ARHGEF38: variants seen among roughly 807,000 people sequenced by gnomAD.
The protein encoded by ARHGEF38 is Rho guanine nucleotide exchange factor 38.
ARHGEF38 carries 79 observed loss-of-function variants against 79.9 expected under a neutral mutation model. The observed-to-expected ratio is 0.99, with a 90% CI of 0.82 to 1.19. The LOEUF is 1.19. Among genes scored for constraint, ARHGEF38 ranks in the 50% most tolerant of loss-of-function variants. The pLI is 0.00. For missense variants in ARHGEF38, 962 were observed against 907.2 expected, an observed-to-expected ratio of 1.06 and a Z score of -0.78; for synonymous variants, 366 against 328.3, an observed-to-expected ratio of 1.11 and a Z score of -1.24.
intron 1 of ARHGEF38, among the ~76,000 whole-genome samples, chr4:105,572,241 C>CT (rs1332813980): frequency 2.6e-5 from 4 of 151,888 alleles, no homozygotes; most frequent in Admixed American, 6.6e-5. Flanking sequence ...TGAAACTCTT[C>CT]TTTTTTTTCC....
intron 1 of ARHGEF38, among the ~76,000 whole-genome samples, chr4:105,565,043 G>C (rs952963303): frequency 6.6e-6 from 1 of 152,306 alleles, no homozygotes; most frequent in South Asian, 2.1e-4. Flanking sequence ...ATCACTGTCG[G>C]AGCCTGTAAA....
intron 3 of ARHGEF38, among the ~76,000 whole-genome samples, chr4:105,614,701 G>A (rs1214085202): frequency 6.6e-6 from 1 of 152,150 alleles, no homozygotes; most frequent in Non-Finnish European, 1.5e-5. Flanking sequence ...CCTAAAAGAA[G>A]AACTCTACTC....
At chr4:105,591,619 G>T (rs1332112727) in intron 2 of ARHGEF38, among the ~76,000 whole-genome samples, 2 of 152,156 alleles carry the variant, frequency 1.3e-5, no homozygotes, top group Non-Finnish European at 2.9e-5. Flanking sequence ...TTGTTTTTTG[G>T]TCTAAGACAA....
intron 2 of ARHGEF38, among the ~76,000 whole-genome samples, chr4:105,596,830 C>G (rs979890346): frequency 4.6e-5 from 7 of 152,190 alleles, no homozygotes; most frequent in African/African-American, 1.7e-4. Flanking sequence ...CATGACACCT[C>G]AAAGCTAGGT....
Position 105,679,924 on chromosome 4 carries a change from A to G in ARHGEF38, c.*1987A>G. 1.4e-6 allele frequency: 2 copies of G among 1,391,874 alleles called. No homozygotes were observed. Among genetic ancestry groups the G allele is most frequent in the Non-Finnish European group, 2.0e-6 (2 of 982,366 alleles). 86.2% of individuals were successfully genotyped at this position (1,391,874 alleles called of 1,614,324 possible). On this transcript the variant is annotated 3_prime_UTR_variant, in exon 14 of 14. Coordinates refer to ENST00000420470, the MANE Select transcript of ARHGEF38 (RefSeq NM_001242729.2). ...TGGTTGCCACCAAAACTTTATAATT[A>G]CCTCTCTGAAGCCTTTTAGTGTAAT...
chr4:105,564,713 A>C (rs972763108), intron 1 of ARHGEF38, among the ~76,000 whole-genome samples: 3 of 152,228 alleles, frequency 2.0e-5, no homozygotes, highest in Non-Finnish European at 4.4e-5. Context: ...ATGGAATGTA[A>C]GGCTTTTCCC....
At chr4:105,558,269 G>C (rs1294846377) in intron 1 of ARHGEF38, among the ~76,000 whole-genome samples, 1 of 152,172 alleles carries the variant, frequency 6.6e-6, no homozygotes, top group Non-Finnish European at 1.5e-5. Flanking sequence ...GTCTGTCAGG[G>C]AGCAGAAATT....
chr4:105,643,261 G>A (rs542190294), intron 5 of ARHGEF38, among the ~76,000 whole-genome samples: 18 of 151,606 alleles, frequency 1.2e-4, no homozygotes, highest in African/African-American at 4.4e-4. Flanking sequence ...CTCTTTCCGA[G>A]TCTCTCTTTT....
chr4:105,602,457 G>A (rs1228447633), intron 2 of ARHGEF38, among the ~76,000 whole-genome samples: 1 of 152,108 alleles, frequency 6.6e-6, no homozygotes, highest in African/African-American at 2.4e-5. Context: ...GGGGAAATAG[G>A]AAATAAAAAT....
chr4:105,588,465 G>A (rs1358461733), intron 1 of ARHGEF38, among the ~76,000 whole-genome samples: 1 of 152,180 alleles, frequency 6.6e-6, no homozygotes, highest in Non-Finnish European at 1.5e-5. Context: ...CTGGTTTGTG[G>A]CTTCCAAAAT....
chr4:105,613,564 C>T, intron 3 of ARHGEF38, 57 bp downstream of exon 3: 2 of 1,586,592 alleles, frequency 1.3e-6, no homozygotes, highest in Non-Finnish European at 1.7e-6. Context: ...TTTTTAATAA[C>T]CTCCCTTTGC....
intron 9 of ARHGEF38, among the ~76,000 whole-genome samples, chr4:105,656,529 G>C (rs995778168): frequency 2.0e-5 from 3 of 152,106 alleles, no homozygotes; most frequent in Non-Finnish European, 4.4e-5. Context: ...AAACATGCTT[G>C]AGCCAATAAC....
intron 2 of ARHGEF38, among the ~76,000 whole-genome samples, chr4:105,604,141 C>T (rs1308344164): frequency 2.0e-5 from 3 of 152,012 alleles, no homozygotes; most frequent in Non-Finnish European, 2.9e-5. Context: ...GGCAAGGCCA[C>T]GAAGAGCCCC....
At chr4:105,566,238 C>T (rs1243132705) in intron 1 of ARHGEF38, among the ~76,000 whole-genome samples, 1 of 152,150 alleles carries the variant, frequency 6.6e-6, no homozygotes, top group Admixed American at 6.5e-5. Flanking sequence ...TGCCACCAAG[C>T]CTTTAAATAT....
chr4:105,584,086 T>C (rs1726920372), intron 1 of ARHGEF38, among the ~76,000 whole-genome samples: 2 of 152,214 alleles, frequency 1.3e-5, no homozygotes. Flanking sequence ...GGAGAATAGA[T>C]ACTGTGCAGA....
intron 1 of ARHGEF38, among the ~76,000 whole-genome samples, chr4:105,556,197 C>A (rs746141675): frequency 1.3e-5 from 2 of 152,174 alleles, no homozygotes; most frequent in Non-Finnish European, 2.9e-5. Flanking sequence ...TAAAATCATA[C>A]ACATTTGGTA....
At chr4:105,568,790 C>A (rs937602378) in intron 1 of ARHGEF38, among the ~76,000 whole-genome samples, 7 of 152,130 alleles carry the variant, frequency 4.6e-5, no homozygotes, top group Admixed American at 2.6e-4. Context: ...TGAGAATGTT[C>A]CAACATTCTT....
chr4:105,670,771 T>A (rs1439004262), intron 13 of ARHGEF38, among the ~76,000 whole-genome samples: 2 of 152,324 alleles, frequency 1.3e-5, no homozygotes, highest in East Asian at 3.9e-4. Flanking sequence ...AAATGTCCTG[T>A]CAGACTTTGC....
chr4:105,675,406 T>C (rs1731085476), intron 13 of ARHGEF38, among the ~76,000 whole-genome samples: 1 of 152,194 alleles, frequency 6.6e-6, no homozygotes, highest in South Asian at 2.1e-4. Context: ...TGCTAAAGAA[T>C]TTATAGTACT....
Sources: gnomAD v4.1 joint callset for allele counts (sites outside exome capture counted in the v4.1 genomes callset) on GRCh38, gnomAD v4.1.1 for gene constraint, MANE v1.5 for transcripts, NCBI Gene and HGNC (gene_info 2026-07-23, HGNC 2026-07-21) for gene names.